ATP8B4: variants seen among roughly 807,000 people sequenced by gnomAD.
The protein encoded by ATP8B4 is ATPase phospholipid transporting 8B4 (putative).
In ATP8B4, 133 loss-of-function variants were observed where a neutral mutation model predicts 145.6. That is an observed-to-expected ratio of 0.91 (90% CI 0.79 to 1.05). The LOEUF (loss-of-function observed/expected upper bound fraction) is 1.05, where lower values mean the gene tolerates loss of function less well. ATP8B4 is among the 50% of genes least tolerant of loss of function. The pLI, the probability that ATP8B4 is intolerant of heterozygous loss-of-function variation, is 0.00. For missense variants in ATP8B4, 1,458 were observed against 1,425.2 expected, an observed-to-expected ratio of 1.02 and a Z score of -0.37; for synonymous variants, 507 against 492.9, an observed-to-expected ratio of 1.03 and a Z score of -0.38.
At chr15:49,991,163 A>C (rs2047017372) in intron 9 of ATP8B4, among the ~76,000 whole-genome samples, 1 of 152,174 alleles carries the variant, frequency 6.6e-6, no homozygotes, top group Non-Finnish European at 1.5e-5. Context: ...TAAGCAAAAA[A>C]ACTCACAAGA....
rs545396017 is a variant in ATP8B4, at chr15:50,094,673, T to C, written c.28+12266A>G. 3.6e-3 allele frequency among the ~76,000 whole-genome samples: 514 copies of C among 141,160 alleles called. 4 individuals are homozygous for C. The highest frequency in any genetic ancestry group is 0.015 in the Middle Eastern group (4 of 272). The allele number at this position is 141,160 out of a possible 152,430, so 92.6% of individuals were successfully genotyped here. A position where few individuals can be genotyped will look rare whatever the true frequency, so the allele number is the denominator to read the frequency against. On this transcript the variant is annotated intron_variant, in intron 2 of 27. Coordinates refer to ENST00000284509, the MANE Select transcript of ATP8B4 (RefSeq NM_024837.4). Reference sequence around the variant, plus strand: ...TTATATATTGTATATTATATATCCATATATATTTGTATATATGTGTGTGTG... The same window carrying C: ...TTATATATTGTATATTATATATCCACATATATTTGTATATATGTGTGTGTG...
intron 25 of ATP8B4, 98 bp downstream of exon 25, chr15:49,876,180 G>C: frequency 6.8e-7 from 1 of 1,470,368 alleles, no homozygotes; most frequent in Non-Finnish European, 9.1e-7. Context: ...TATTCCTTTA[G>C]GATTATTTCC....
chr15:49,899,754 TA>T (rs578151648), intron 21 of ATP8B4, among the ~76,000 whole-genome samples: 40 of 148,286 alleles, frequency 2.7e-4, no homozygotes, highest in East Asian at 3.9e-4. Context: ...GAATCATGAT[TA>T]AAAAAAAAAG....
intron 9 of ATP8B4, among the ~76,000 whole-genome samples, chr15:49,988,859 G>A (rs773771975): frequency 3.3e-5 from 5 of 152,078 alleles, no homozygotes; most frequent in South Asian, 2.1e-4. Context: ...ACATGGCCAC[G>A]TCACTCCTGA....
intron 15 of ATP8B4, among the ~76,000 whole-genome samples, chr15:49,932,061 A>G (rs1189061274): frequency 6.6e-6 from 1 of 151,610 alleles, no homozygotes. Flanking sequence ...TTATATTTAT[A>G]TGTAAAAATT....
Position 49,897,384 on chromosome 15 carries a change from TTC to T in ATP8B4, c.2603_2604del (p.Arg868HisfsTer11). Reference protein sequence around the residue: ...LLVHGRWSYFRMCKFLCYFFY... With the variant: ...LLVHGRWSYFXMCKFLCYFFY... Reference sequence around the variant, plus strand: ...AAGAAATAGCATAAGAATTTGCACATTCGGAAATAAGACCACCTTCCATGAAC... The same window carrying T: ...AAGAAATAGCATAAGAATTTGCACATGGAAATAAGACCACCTTCCATGAAC... On this transcript the variant is annotated frameshift_variant, in exon 23 of 28. Coordinates refer to ENST00000284509, the MANE Select transcript of ATP8B4 (RefSeq NM_024837.4). LOFTEE classifies it high-confidence loss of function. 1 of 1,613,960 alleles carries T rather than the reference TTC, an allele frequency of 6.2e-7. No homozygotes were observed. The highest frequency in any genetic ancestry group is 8.5e-7 in the Non-Finnish European group (1 of 1,179,862).
rs572158783 is a variant in ATP8B4, at chr15:49,993,408, G to T, written c.589+3269C>A. Among the ~76,000 whole-genome samples the T allele has an allele frequency of 9.9e-5, 15 of 152,032 alleles. 1 individual carries two copies. The South Asian group carries it at 3.1e-3, about 32-fold the overall frequency. On this transcript the variant is annotated intron_variant, in intron 9 of 27. Coordinates refer to ENST00000284509, the MANE Select transcript of ATP8B4 (RefSeq NM_024837.4). Reference sequence around the variant, plus strand: ...TGTGTGTGTCAGAGATATTAAAATTGAAATGTGTAAATTAGGGCTTGGAAA... The same window carrying T: ...TGTGTGTGTCAGAGATATTAAAATTTAAATGTGTAAATTAGGGCTTGGAAA...
At chr15:49,870,177 T>G (rs1412876007) in intron 25 of ATP8B4, among the ~76,000 whole-genome samples, 1 of 152,218 alleles carries the variant, frequency 6.6e-6, no homozygotes, top group Non-Finnish European at 1.5e-5. Flanking sequence ...TTAAAACAAT[T>G]AAGATAGATC....
Position 50,010,828 on chromosome 15 carries a change from C to A in ATP8B4, c.435+17G>T. On this transcript the variant is annotated intron_variant, in intron 7 of 27. Coordinates refer to ENST00000284509, the MANE Select transcript of ATP8B4 (RefSeq NM_024837.4). The stretch of plus-strand genomic sequence containing the variant: ...TTTAATCTGAGATAAATTATTCAAA[C>A]AATATTGAATACTTACAGCAACAAA... 1 of 1,455,492 alleles carries A rather than the reference C, an allele frequency of 6.9e-7. No homozygotes were observed. The highest frequency in any genetic ancestry group is 9.3e-7 in the Non-Finnish European group (1 of 1,079,468). The allele number at this position is 1,455,492 out of a possible 1,614,324, so 90.2% of individuals were successfully genotyped here.
chr15:50,147,477 A>C (rs2044293484), intron 1 of ATP8B4, among the ~76,000 whole-genome samples: 1 of 152,036 alleles, frequency 6.6e-6, no homozygotes, highest in Non-Finnish European at 1.5e-5. Flanking sequence ...GAAAGAGCCT[A>C]GAAGCAATAA....
chr15:50,103,529 A>G (rs2056496780), intron 2 of ATP8B4, among the ~76,000 whole-genome samples: 1 of 152,152 alleles, frequency 6.6e-6, no homozygotes, highest in South Asian at 2.1e-4. Flanking sequence ...ATACTTAACC[A>G]AGGAGGTGAA....
intron 20 of ATP8B4, among the ~76,000 whole-genome samples, chr15:49,915,400 A>G (rs28376342): frequency 0.77 from 117,713 of 152,032 alleles, 46,141 homozygotes; most frequent in African/African-American, 0.86. Flanking sequence ...CAACAGCAGA[A>G]TATGGTGGGT....
chr15:50,096,608 C>A (rs992586986), intron 2 of ATP8B4, among the ~76,000 whole-genome samples: 1 of 152,260 alleles, frequency 6.6e-6, no homozygotes, highest in East Asian at 1.9e-4. Flanking sequence ...GCACCTAGGA[C>A]TAAGGACTGC....
At chr15:49,919,450 C>T (rs2040048116) in intron 18 of ATP8B4, among the ~76,000 whole-genome samples, 1 of 152,172 alleles carries the variant, frequency 6.6e-6, no homozygotes, top group Non-Finnish European at 1.5e-5. Context: ...CGGAGTCTTG[C>T]TCTGTCGCCC....
chr15:49,972,449 G>A (rs1481349411), intron 13 of ATP8B4, 133 bp downstream of exon 13: 1 of 731,590 alleles, frequency 1.4e-6, no homozygotes, highest in African/African-American at 1.8e-5. Flanking sequence ...CATCTATATG[G>A]TAGATGCTGA....
chr15:50,159,478 T>C (rs989786350), intron 1 of ATP8B4, among the ~76,000 whole-genome samples: 3 of 152,224 alleles, frequency 2.0e-5, no homozygotes, highest in Non-Finnish European at 4.4e-5. Context: ...GAATGTCCTT[T>C]ATTTCTTTCT....
intron 23 of ATP8B4, among the ~76,000 whole-genome samples, chr15:49,891,244 A>G (rs759892784): frequency 6.6e-5 from 10 of 151,546 alleles, no homozygotes; most frequent in Non-Finnish European, 1.2e-4. Flanking sequence ...GTCATCCCAG[A>G]TCCTCCTAAG....
chr15:49,930,663 G>A (rs1190413986), intron 16 of ATP8B4, among the ~76,000 whole-genome samples: 1 of 152,064 alleles, frequency 6.6e-6, no homozygotes, highest in Non-Finnish European at 1.5e-5. Flanking sequence ...GGGCTATGCA[G>A]TCACACTTCC....
At chr15:50,092,648 G>A (rs2055686259) in intron 2 of ATP8B4, among the ~76,000 whole-genome samples, 1 of 151,918 alleles carries the variant, frequency 6.6e-6, no homozygotes, top group Non-Finnish European at 1.5e-5. Flanking sequence ...AAACTGGTCA[G>A]TAGAAAATAT....
Sources: allele counts gnomAD v4.1 joint callset (sites outside exome capture counted in the v4.1 genomes callset), GRCh38; gene constraint gnomAD v4.1.1; transcripts MANE v1.5; gene names NCBI Gene and HGNC (gene_info 2026-07-23, HGNC 2026-07-21).